AOPEP: variants seen among roughly 807,000 people sequenced by gnomAD.
AOPEP encodes the protein aminopeptidase O (putative), also known as aminopeptidase O.
In AOPEP, 77 loss-of-function variants were observed where a neutral mutation model predicts 98.1. The observed-to-expected ratio is 0.78, with a 90% confidence interval of 0.65 to 0.95. The LOEUF (loss-of-function observed/expected upper bound fraction) is 0.95, where lower values mean the gene tolerates loss of function less well. Among genes scored for constraint, AOPEP ranks in the 40% least tolerant of loss-of-function variants. The pLI is 0.00. For missense variants in AOPEP, 1,024 were observed against 1,024.7 expected (o/e 1.00, Z 0.01); for synonymous variants, 346 against 365.3 (o/e 0.95, Z 0.60).
intron 5 of AOPEP, among the ~76,000 whole-genome samples, chr9:94,820,753 A>G (rs746642414): frequency 1.3e-5 from 2 of 152,196 alleles, no homozygotes; most frequent in African/African-American, 4.8e-5. Flanking sequence ...ACCACATGCA[A>G]TTTCTGTTTG....
At chr9:94,788,391 G>T (rs966186648) in intron 3 of AOPEP, among the ~76,000 whole-genome samples, 6 of 151,868 alleles carry the variant, frequency 4.0e-5, no homozygotes, top group African/African-American at 1.2e-4. Context: ...TTATATTTTT[G>T]TGTGTTATTA....
rs373357289 is a variant in AOPEP at position 94,754,146 on chromosome 9, A to G, written c.-135-5503A>G. On this transcript the variant is annotated intron_variant, in intron 1 of 16. Coordinates refer to ENST00000375315, the MANE Select transcript of AOPEP (RefSeq NM_001193329.3). ...AGTGTGACATTTATAAACACAAAAC[A>G]GTATATTTGAACTTCTAAGTTTCCT... Among the ~76,000 whole-genome samples the G allele has an allele frequency of 6.0e-4, 92 of 152,356 alleles. No individual in the cohort carries two copies. The East Asian group carries it at 0.013, about 21-fold the overall frequency.
chr9:94,814,956 G>T (rs1045757259), intron 5 of AOPEP, among the ~76,000 whole-genome samples: 5 of 152,172 alleles, frequency 3.3e-5, no homozygotes, highest in African/African-American at 1.2e-4. Flanking sequence ...TCAATTAGAG[G>T]TTGGAGTCCT....
chr9:94,896,185 A>G (rs1303294869), intron 5 of AOPEP, among the ~76,000 whole-genome samples: 1 of 152,252 alleles, frequency 6.6e-6, no homozygotes, highest in Non-Finnish European at 1.5e-5. Flanking sequence ...GATGGTTACA[A>G]AATAAACTTC....
chr9:94,776,399 T>G (rs566517800), intron 3 of AOPEP, among the ~76,000 whole-genome samples: 2 of 152,282 alleles, frequency 1.3e-5, no homozygotes, highest in South Asian at 4.2e-4. Flanking sequence ...CTTTCCGGGT[T>G]CAAGCATTTC....
At chr9:94,754,311 C>T (rs1471679640) in intron 1 of AOPEP, among the ~76,000 whole-genome samples, 1 of 152,142 alleles carries the variant, frequency 6.6e-6, no homozygotes, top group African/African-American at 2.4e-5. Flanking sequence ...ATTGGCATAT[C>T]CTAAATAATG....
At chr9:94,961,013 C>CAAAAAAAAAA (rs71496990) in intron 9 of AOPEP, among the ~76,000 whole-genome samples, 1 of 118,730 alleles carries the variant, frequency 8.4e-6, no homozygotes, top group African/African-American at 3.1e-5. Context: ...GAATCTGTCT[C>CAAAAAAAAAA]AAAAAAAAAA....
At chr9:95,059,483 C>T (rs530656751) in intron 13 of AOPEP, among the ~76,000 whole-genome samples, 345 of 148,688 alleles carry the variant, frequency 2.3e-3, no homozygotes, top group East Asian at 3.5e-3. Flanking sequence ...GCTGTCTGCC[C>T]GTTGCCCCCC....
chr9:95,150,049 C>T, the AOPEP span: 4 of 1,614,086 alleles, frequency 2.5e-6, no homozygotes, highest in Non-Finnish European at 3.4e-6. Context: ...AAGTGGGACA[C>T]AAACTCGTGA....
intron 5 of AOPEP, among the ~76,000 whole-genome samples, chr9:94,888,194 C>T (rs73538152): frequency 0.011 from 1,697 of 152,158 alleles, 29 homozygotes; most frequent in African/African-American, 0.038. Context: ...TAGTTTTATT[C>T]TCTTCTCCAC....
At chr9:94,797,864 G>A (rs1006669476) in intron 4 of AOPEP, among the ~76,000 whole-genome samples, 6 of 151,870 alleles carry the variant, frequency 4.0e-5, no homozygotes, top group African/African-American at 9.7e-5. Flanking sequence ...CACCACACTC[G>A]GCTAATTTTT....
chr9:94,847,048 G>T (rs2042941710), intron 5 of AOPEP, among the ~76,000 whole-genome samples: 1 of 151,830 alleles, frequency 6.6e-6, no homozygotes, highest in Admixed American at 6.6e-5. Context: ...GCACACAGAA[G>T]GTTTACCCAC....
chr9:94,738,259 C>T (rs1484060501), intron 1 of AOPEP, among the ~76,000 whole-genome samples: 1 of 152,082 alleles, frequency 6.6e-6, no homozygotes, highest in Non-Finnish European at 1.5e-5. Context: ...CACTGAATTC[C>T]CAAAGGAGAA....
intron 3 of AOPEP, among the ~76,000 whole-genome samples, chr9:94,789,890 T>C (rs951725558): frequency 1.0e-5 from 1 of 95,266 alleles, no homozygotes; most frequent in Non-Finnish European, 2.1e-5. Flanking sequence ...CTTTTTTTTT[T>C]TTAGACGGAG....
downstream of AOPEP, among the ~76,000 whole-genome samples, chr9:95,088,503 C>T (rs2070819123): frequency 8.4e-6 from 1 of 118,662 alleles, no homozygotes; most frequent in South Asian, 2.9e-4. Context: ...ACCACTGTAC[C>T]CGGCCTCTCT....
At chr9:94,779,608 A>G (rs1842857762) in intron 3 of AOPEP, among the ~76,000 whole-genome samples, 1 of 152,108 alleles carries the variant, frequency 6.6e-6, no homozygotes, top group Non-Finnish European at 1.5e-5. Context: ...TTATAAATGA[A>G]ATGCAGATCA....
At position 95,085,253 on chromosome 9, in the gene AOPEP, C is replaced by T. The variant is rs551700929; in HGVS notation, c.*5-1429C>T. On this transcript the variant is annotated intron_variant, in intron 16 of 16. Coordinates refer to ENST00000375315, the MANE Select transcript of AOPEP (RefSeq NM_001193329.3). The stretch of plus-strand genomic sequence containing the variant: ...GGGTTCCTGGCATGCTGATTTGTGA[C>T]TTAAGATTAAAATCACATTGCCAGG... 10 of 493,946 alleles carry T rather than the reference C, an allele frequency of 2.0e-5. No individual in the cohort carries two copies. The East Asian group carries it at 5.4e-4, about 27-fold the overall frequency. 30.6% of individuals were successfully genotyped at this position (493,946 alleles called of 1,614,324 possible).
At chr9:95,095,054 G>A in the AOPEP span, among the ~76,000 whole-genome samples, 5 of 152,172 alleles carry the variant, frequency 3.3e-5, no homozygotes, top group Admixed American at 6.6e-5. Flanking sequence ...GGAGAGTGCT[G>A]CCAGGAACAT....
chr9:94,797,994 A>G (rs9409806), intron 4 of AOPEP, among the ~76,000 whole-genome samples: 34,409 of 152,020 alleles, frequency 0.23, 5,649 homozygotes, highest in African/African-American at 0.46. Flanking sequence ...ATGAGCCACC[A>G]TGTCTGGCCT....
Sources: gnomAD v4.1 joint callset for allele counts (sites outside exome capture counted in the v4.1 genomes callset) on GRCh38, gnomAD v4.1.1 for gene constraint, MANE v1.5 for transcripts, NCBI Gene and HGNC (gene_info 2026-07-23, HGNC 2026-07-21) for gene names.